The following TET2 variants were observed in gnomAD, a reference collection of about 807,000 sequenced individuals.
TET2 encodes methylcytosine dioxygenase TET2.
Under a neutral mutation model 142.9 loss-of-function variants are expected in TET2, and 299 were observed. The ratio of observed to expected loss-of-function variants is 2.09; its 90% CI spans 1.90 to 2.30. TET2 has a LOEUF of 2.30. Among genes scored for constraint, TET2 ranks in the 30% most tolerant of loss-of-function variants. TET2 has a pLI of 0.00. For synonymous variants in TET2, 819 were observed against 849.0 expected (o/e 0.96, Z 0.61); for missense variants, 2,418 against 2,378.0 (o/e 1.02, Z -0.35).
chr4:105,167,421 G>A (rs1724214284), intron 1 of TET2, among the ~76,000 whole-genome samples: 1 of 151,560 alleles, frequency 6.6e-6, no homozygotes, highest in Non-Finnish European at 1.5e-5. Context: ...ACATATACAT[G>A]TATATGTAGT....
chr4:105,185,307 A>G (rs1405001069), intron 1 of TET2, among the ~76,000 whole-genome samples: 1 of 152,194 alleles, frequency 6.6e-6, no homozygotes, highest in Non-Finnish European at 1.5e-5. Flanking sequence ...AGCATGTTGA[A>G]TAAGAGCACA....
upstream of TET2, chr4:105,146,429 T>A (rs1723018081): frequency 1.3e-5 from 2 of 152,452 alleles, no homozygotes; most frequent in Admixed American, 1.3e-4. Context: ...CCCTGGCCCC[T>A]ACTCCGCGCT....
At chr4:105,232,281 T>A (rs1728553624) in intron 2 of TET2, among the ~76,000 whole-genome samples, 1 of 152,216 alleles carries the variant, frequency 6.6e-6, no homozygotes, top group African/African-American at 2.4e-5. Flanking sequence ...GACATTTAGG[T>A]TGATTCCATG....
chr4:105,264,404 T>C (rs944437806), intron 8 of TET2, among the ~76,000 whole-genome samples: 2 of 152,186 alleles, frequency 1.3e-5, no homozygotes, highest in African/African-American at 4.8e-5. Flanking sequence ...TCATTTTCTA[T>C]TAAATGAATT....
chr4:105,219,911 C>T (rs1727714969), intron 2 of TET2, among the ~76,000 whole-genome samples: 1 of 152,084 alleles, frequency 6.6e-6, no homozygotes, highest in African/African-American at 2.4e-5. Flanking sequence ...CCTTAGCACT[C>T]AACATTTTCT....
chr4:105,278,391 C>CT lies in TET2; in HGVS notation c.*1880dup, dbSNP rs1332855833. ...GTGTACCATCATTTTTTTCCAAGTC[C>CT]TTTTTTTTATTGTTAAAAAAAAAAG... On this transcript the variant is annotated 3_prime_UTR_variant, in exon 11 of 11. Coordinates refer to ENST00000380013, the MANE Select transcript of TET2 (RefSeq NM_001127208.3). 1.3e-4 allele frequency: 28 copies of CT among 211,308 alleles called. No individual in the cohort carries two copies. In the South Asian group the frequency reaches 1.7e-3, roughly 13 times the overall value. 13.1% of individuals were successfully genotyped at this position (211,308 alleles called of 1,614,324 possible). A position where few individuals can be genotyped will look rare whatever the true frequency, so the allele number is the denominator to read the frequency against.
In TET2 at chr4:105,192,408, G is replaced by T. The variant is rs748002127; in HGVS notation, c.-47+1903G>T. ...TATTTTTAGTACATTTATTAGGAATGTGTTCTTGGGAAAATTATTTAACCT... is the reference window on the plus strand; with the variant it reads ...TATTTTTAGTACATTTATTAGGAATTTGTTCTTGGGAAAATTATTTAACCT... On this transcript the variant is annotated intron_variant, in intron 2 of 10. Transcript: ENST00000380013. Among the ~76,000 whole-genome samples, 16 of 152,078 alleles carry T rather than the reference G, an allele frequency of 1.1e-4. 1 individual carries two copies. The highest frequency in any genetic ancestry group is 3.3e-4 in the Admixed American group (5 of 15,252).
chr4:105,177,467 A>G (rs1560727637), intron 1 of TET2: 1 of 152,258 alleles, frequency 6.6e-6, no homozygotes, highest in Non-Finnish European at 1.5e-5. Flanking sequence ...AAATGAGCAA[A>G]AAACCTGAAC....
chr4:105,197,712 T>C (rs367716719), intron 2 of TET2, among the ~76,000 whole-genome samples: 24 of 152,200 alleles, frequency 1.6e-4, no homozygotes, highest in East Asian at 5.8e-4. Context: ...CCACATCAAA[T>C]GTAGAATTAA....
intron 1 of TET2, among the ~76,000 whole-genome samples, chr4:105,170,638 A>C (rs1011961420): frequency 1.3e-5 from 2 of 152,210 alleles, no homozygotes; most frequent in Admixed American, 6.5e-5. Flanking sequence ...AGGTGAAATT[A>C]GGCTTTTGGA....
intron 8 of TET2, among the ~76,000 whole-genome samples, chr4:105,262,389 G>A (rs1045353398): frequency 2.0e-5 from 3 of 151,246 alleles, no homozygotes; most frequent in Admixed American, 6.6e-5. Flanking sequence ...TTTTACATGT[G>A]TATTCTAAAC....
chr4:105,224,371 A>G (rs1207921355), intron 2 of TET2, among the ~76,000 whole-genome samples: 2 of 152,160 alleles, frequency 1.3e-5, no homozygotes, highest in Admixed American at 6.6e-5. Flanking sequence ...TTTTTAAGTC[A>G]TGCATCATAG....
intron 1 of TET2, among the ~76,000 whole-genome samples, chr4:105,175,187 A>G (rs191746591): frequency 6.6e-6 from 1 of 152,302 alleles, no homozygotes; most frequent in Admixed American, 6.5e-5. Flanking sequence ...AAAAAATTAT[A>G]AGGCATGCTA....
intron 1 of TET2, chr4:105,147,704 A>G (rs1560704647): frequency 6.6e-6 from 1 of 152,222 alleles, no homozygotes; most frequent in Non-Finnish European, 1.5e-5. Flanking sequence ...CGCTGGGCTG[A>G]GCCTTCCAGC....
Position 105,190,361 on chromosome 4 carries a change from C to A in TET2, c.-191C>A. ...ATGTTCAAACTCTGTCTTCTCTAGG[C>A]TGGCAAACATTCAGCAGCACACCCT... On this transcript the variant is annotated splice_region_variant and 5_prime_UTR_variant, in exon 2 of 11. In the 5' UTR this introduces an upstream ATG that the reference lacks. Coordinates refer to ENST00000380013, the MANE Select transcript of TET2 (RefSeq NM_001127208.3). 1 of 669,108 alleles carries A rather than the reference C, an allele frequency of 1.5e-6. No individual in the cohort carries two copies. The highest frequency in any genetic ancestry group is 1.6e-5 in the South Asian group (1 of 61,400). 41.4% of individuals were successfully genotyped at this position (669,108 alleles called of 1,614,324 possible). A position where few individuals can be genotyped will look rare whatever the true frequency, so the allele number is the denominator to read the frequency against.
rs1729100732 is a variant in TET2 at position 105,238,709 on chromosome 4, TC to T, written c.3409+1359del. 3 of 241,546 alleles carry T rather than the reference TC, an allele frequency of 1.2e-5. No homozygotes were observed. The South Asian group carries it at 5.5e-4, about 44-fold the overall frequency. 15.0% of individuals were successfully genotyped at this position (241,546 alleles called of 1,614,324 possible). A position where few individuals can be genotyped will look rare whatever the true frequency, so the allele number is the denominator to read the frequency against. ...CCTCTCCACGGAAGTCTTGAACTCCTCAAAGTAATCCATGAGGGTTGGAATC... is the reference window on the plus strand; with the variant it reads ...CCTCTCCACGGAAGTCTTGAACTCCTAAAGTAATCCATGAGGGTTGGAATC... On this transcript the variant is annotated intron_variant, in intron 3 of 10. Transcript: ENST00000380013.
intron 2 of TET2, among the ~76,000 whole-genome samples, chr4:105,224,684 GTCTCTCTCTC>G (rs34870510): frequency 0.015 from 1,583 of 108,142 alleles, 40 homozygotes; most frequent in African/African-American, 0.042. Context: ...ATATCAGCCA[GTCTCTCTCTC>G]TCTCTCTCTC....
Position 105,279,625 on chromosome 4 carries a change from T to C in TET2, c.*3106T>C, listed in dbSNP as rs1358922299. 8.6e-6 allele frequency: 2 copies of C among 231,900 alleles called. No homozygotes were observed. Among genetic ancestry groups the C allele is most frequent in the African/African-American group, 2.2e-5 (1 of 45,298 alleles). 14.4% of individuals were successfully genotyped at this position (231,900 alleles called of 1,614,324 possible). Reference sequence around the variant, plus strand: ...CATTTTTCTATGCTTTTTTAAAAACTAGTTTCATTTCATTTTCATGAGATG... The same window carrying C: ...CATTTTTCTATGCTTTTTTAAAAACCAGTTTCATTTCATTTTCATGAGATG... On this transcript the variant is annotated 3_prime_UTR_variant, in exon 11 of 11. Coordinates refer to ENST00000380013, the MANE Select transcript of TET2 (RefSeq NM_001127208.3).
Position 105,212,761 on chromosome 4 carries a change from G to A in TET2, c.-46-21136G>A, listed in dbSNP as rs192769627. 3.2e-3 allele frequency among the ~76,000 whole-genome samples: 484 copies of A among 152,190 alleles called. 6 individuals carry two copies. The highest frequency in any genetic ancestry group is 0.026 in the Admixed American group (401 of 15,274). On this transcript the variant is annotated intron_variant, in intron 2 of 10. Transcript: ENST00000380013. ...TCCCAGCACTTTGGGAGGCTGAGGC[G>A]GGTGGATCACCTGAAGTCAGGAGTT... is the stretch of plus-strand genomic sequence containing the variant.
Sources: gnomAD v4.1 joint callset for allele counts (sites outside exome capture counted in the v4.1 genomes callset) on GRCh38, gnomAD v4.1.1 for gene constraint, MANE v1.5 for transcripts, NCBI Gene and HGNC (gene_info 2026-07-23, HGNC 2026-07-21) for gene names.